PRKG1: variants seen among roughly 807,000 people sequenced by gnomAD.
The protein encoded by PRKG1 is protein kinase cGMP-dependent 1.
A neutral mutation model predicts 88.1 loss-of-function variants in PRKG1; 35 were observed. The observed-to-expected ratio is 0.40, with a 90% CI of 0.30 to 0.53. The LOEUF is 0.53. Ranked by LOEUF, PRKG1 falls within the 20% of genes least tolerant of loss-of-function variation. PRKG1 has a pLI of 0.59. For synonymous variants in PRKG1, 303 were observed against 292.5 expected (o/e 1.04, Z -0.37); for missense variants, 540 against 839.8 (o/e 0.64, Z 4.41).
At chr10:51,831,633 A>G (rs534684775) in intron 4 of PRKG1, among the ~76,000 whole-genome samples, 3 of 152,194 alleles carry the variant, frequency 2.0e-5, no homozygotes, top group Non-Finnish European at 4.4e-5. Context: ...TGAGTTCACT[A>G]TATTCCTAGG....
At chr10:51,628,581 C>T (rs1839434259) in intron 3 of PRKG1, among the ~76,000 whole-genome samples, 1 of 152,130 alleles carries the variant, frequency 6.6e-6, no homozygotes, top group Admixed American at 6.6e-5. Context: ...TAAAGTTTTC[C>T]TATTTCTTTT....
intron 4 of PRKG1, among the ~76,000 whole-genome samples, chr10:51,825,327 C>T (rs1401561459): frequency 6.6e-6 from 1 of 152,146 alleles, no homozygotes; most frequent in Non-Finnish European, 1.5e-5. Context: ...TTCTACCAAG[C>T]TCTTTCCCCT....
intron 2 of PRKG1, among the ~76,000 whole-genome samples, chr10:51,241,572 T>TA (rs2132125290): frequency 6.6e-6 from 1 of 152,294 alleles, no homozygotes; most frequent in South Asian, 2.1e-4. Flanking sequence ...TAATTCCTCC[T>TA]AAGGCAAGAA....
rs77974014 is a variant in PRKG1 at position 52,152,539 on chromosome 10, C to G, written c.1002-9350C>G. Among the ~76,000 whole-genome samples the G allele has an allele frequency of 8.5e-3, 1,291 of 152,100 alleles. 12 individuals carry two copies. Among genetic ancestry groups the G allele is most frequent in the African/African-American group, 0.029 (1,204 of 41,508 alleles). On this transcript the variant is annotated intron_variant, in intron 8 of 17. Transcript: ENST00000373980. ...AGACCTGAATGGTACTGAGAAAAAA[C>G]CATGAAAATCTAGAGAAAGAATGTT...
chr10:51,076,906 A>G (rs975676853), intron 1 of PRKG1, among the ~76,000 whole-genome samples: 6 of 152,142 alleles, frequency 3.9e-5, no homozygotes, highest in African/African-American at 1.4e-4. Flanking sequence ...ATTTTAAAGG[A>G]CTCAGCTCTT....
intron 4 of PRKG1, among the ~76,000 whole-genome samples, chr10:51,830,557 T>G (rs1427442972): frequency 4.3e-5 from 4 of 93,726 alleles, no homozygotes; most frequent in African/African-American, 2.0e-4. Context: ...TGTTTTTTTT[T>G]TTGTTTTTTT....
In PRKG1 at chr10:51,645,153, C is replaced by T. The variant is rs1019556623; in HGVS notation, c.593-159432C>T. 7.2e-4 allele frequency among the ~76,000 whole-genome samples: 109 copies of T among 152,142 alleles called. 2 individuals are homozygous for T. Among genetic ancestry groups the T allele is most frequent in the South Asian group, 4.1e-4 (2 of 4,824 alleles). Reference sequence around the variant, plus strand: ...TCATTGTTTCTAAGCCTCATTAACACATTAGAGTTTTTAAACATGTTTATC... The same window carrying T: ...TCATTGTTTCTAAGCCTCATTAACATATTAGAGTTTTTAAACATGTTTATC... On this transcript the variant is annotated intron_variant, in intron 3 of 17. Transcript: ENST00000373980.
At chr10:51,434,497 A>T (rs773317688) in intron 2 of PRKG1, among the ~76,000 whole-genome samples, 1 of 152,088 alleles carries the variant, frequency 6.6e-6, no homozygotes, top group South Asian at 2.1e-4. Context: ...CCTGGGATAA[A>T]TTTCAGTGGC....
intron 2 of PRKG1, among the ~76,000 whole-genome samples, chr10:51,464,642 A>C (rs1839837157): frequency 6.6e-6 from 1 of 152,066 alleles, no homozygotes. Flanking sequence ...CTGTAATCCC[A>C]GCACTTTGGG....
At chr10:51,146,233 C>T (rs1014988749) in intron 1 of PRKG1, among the ~76,000 whole-genome samples, 2 of 151,306 alleles carry the variant, frequency 1.3e-5, no homozygotes, top group Non-Finnish European at 2.9e-5. Context: ...TCTGCATCCT[C>T]TCTAGCATTT....
chr10:51,240,200 C>A (rs75381926), intron 2 of PRKG1, among the ~76,000 whole-genome samples: 1,798 of 152,286 alleles, frequency 0.012, 30 homozygotes, highest in African/African-American at 0.039. Flanking sequence ...ATTACCTTTG[C>A]CCATCTCAGA....
chr10:52,140,410 A>G (rs571973462), intron 8 of PRKG1, among the ~76,000 whole-genome samples: 82 of 152,034 alleles, frequency 5.4e-4, no homozygotes, highest in African/African-American at 2.0e-3. Flanking sequence ...CCATCCCCTC[A>G]ATTTCTTCAC....
intron 3 of PRKG1, among the ~76,000 whole-genome samples, chr10:51,503,597 A>G (rs1413582578): frequency 6.6e-6 from 1 of 152,186 alleles, no homozygotes; most frequent in Non-Finnish European, 1.5e-5. Flanking sequence ...GAATCATCAA[A>G]TTCTGGGCCT....
intron 1 of PRKG1, among the ~76,000 whole-genome samples, chr10:51,091,517 A>G (rs1012017359): frequency 3.3e-5 from 5 of 152,180 alleles, no homozygotes; most frequent in African/African-American, 1.2e-4. Context: ...GACACAATTT[A>G]TGGCTTATTC....
At chr10:51,383,340 A>G (rs1286809851) in intron 2 of PRKG1, among the ~76,000 whole-genome samples, 1 of 152,092 alleles carries the variant, frequency 6.6e-6, no homozygotes, top group Non-Finnish European at 1.5e-5. Flanking sequence ...AAAACAAAGG[A>G]AAAAAAGATG....
At chr10:52,144,147 G>A (rs74135177) in intron 8 of PRKG1, among the ~76,000 whole-genome samples, 7,643 of 152,144 alleles carry the variant, frequency 0.05, 645 homozygotes, top group African/African-American at 0.17. Flanking sequence ...CTACTGCTGA[G>A]GGAAGGACCT....
At chr10:51,797,039 T>C (rs1286695939) in intron 3 of PRKG1, among the ~76,000 whole-genome samples, 1 of 151,970 alleles carries the variant, frequency 6.6e-6, no homozygotes, top group Non-Finnish European at 1.5e-5. Context: ...GAGGACCTAT[T>C]ATGAACAAAG....
chr10:52,084,620 A>G (rs758062475), intron 7 of PRKG1, among the ~76,000 whole-genome samples: 2 of 152,024 alleles, frequency 1.3e-5, no homozygotes, highest in Admixed American at 6.6e-5. Flanking sequence ...AGTATTTGAG[A>G]ACAAGTTCAA....
intron 7 of PRKG1, chr10:52,125,755 T>C (rs1445182583): frequency 6.6e-6 from 1 of 152,232 alleles, no homozygotes; most frequent in Non-Finnish European, 1.5e-5. Flanking sequence ...GTTTTCATCA[T>C]AGATCTTAGC....
Sources: gnomAD v4.1 joint callset for allele counts (sites outside exome capture counted in the v4.1 genomes callset) on GRCh38, gnomAD v4.1.1 for gene constraint, MANE v1.5 for transcripts, NCBI Gene and HGNC (gene_info 2026-07-23, HGNC 2026-07-21) for gene names.